The following PCGF5 variants were observed in gnomAD, a reference collection of about 807,000 sequenced individuals.
PCGF5 encodes the protein polycomb group RING finger protein 5.
In PCGF5, 9 loss-of-function variants were observed where a neutral mutation model predicts 44.3. The ratio of observed to expected loss-of-function variants is 0.20; its 90% CI spans 0.12 to 0.35. PCGF5 has a LOEUF of 0.35. PCGF5 is among the 10% of genes least tolerant of loss of function. The pLI is 1.00. For synonymous variants in PCGF5, 95 were observed against 102.5 expected, an observed-to-expected ratio of 0.93 and a Z score of 0.44; for missense variants, 146 against 305.3, an observed-to-expected ratio of 0.48 and a Z score of 3.89.
intron 8 of PCGF5, among the ~76,000 whole-genome samples, 157 bp from the exon 9 acceptor site, chr10:91,271,480 CT>C (rs1418752079): frequency 6.6e-6 from 1 of 152,130 alleles, no homozygotes; most frequent in African/African-American, 2.4e-5. Flanking sequence ...TTATTAAAAT[CT>C]TTTTTTCAAA....
intron 1 of PCGF5, among the ~76,000 whole-genome samples, chr10:91,214,553 G>T (rs1844508708): frequency 6.6e-6 from 1 of 152,204 alleles, no homozygotes; most frequent in Admixed American, 6.5e-5. Flanking sequence ...GAGACAATTT[G>T]TCCAGGCATA....
At chr10:91,260,180 C>T (rs2133409145) in intron 6 of PCGF5, among the ~76,000 whole-genome samples, 1 of 139,596 alleles carries the variant, frequency 7.2e-6, no homozygotes, top group East Asian at 1.9e-4. Flanking sequence ...CAAAAGAAGA[C>T]ATATATGCAG....
intron 1 of PCGF5, among the ~76,000 whole-genome samples, chr10:91,211,492 G>T (rs1844450709): frequency 6.6e-6 from 1 of 152,186 alleles, no homozygotes. Flanking sequence ...ACTTGTCCCT[G>T]CCTTCAGGTC....
At chr10:91,259,913 T>G (rs1845853954) in intron 6 of PCGF5, among the ~76,000 whole-genome samples, 1 of 151,864 alleles carries the variant, frequency 6.6e-6, no homozygotes, top group African/African-American at 2.4e-5. Context: ...GGGCAAGGAC[T>G]TCATGTCTAA....
At chr10:91,225,187 G>A (rs1168358464) in intron 2 of PCGF5, among the ~76,000 whole-genome samples, 1 of 147,188 alleles carries the variant, frequency 6.8e-6, no homozygotes, top group African/African-American at 2.5e-5. Flanking sequence ...TATAAGCAAA[G>A]GGATATATAT....
chr10:91,208,532 G>A (rs925389815), intron 1 of PCGF5, among the ~76,000 whole-genome samples: 16 of 152,176 alleles, frequency 1.1e-4, no homozygotes, highest in Admixed American at 1.0e-3. Context: ...TAACAAAGCT[G>A]TAGGCATCTA....
At chr10:91,224,631 G>A (rs1038958175) in intron 2 of PCGF5, among the ~76,000 whole-genome samples, 1 of 152,180 alleles carries the variant, frequency 6.6e-6, no homozygotes, top group African/African-American at 2.4e-5. Context: ...TGAAGGGACT[G>A]AAGGACTCTG....
At chr10:91,157,971 G>A in the PCGF5 span, among the ~76,000 whole-genome samples, 2 of 152,222 alleles carry the variant, frequency 1.3e-5, no homozygotes, top group East Asian at 3.8e-4. Flanking sequence ...AGTGATCAAG[G>A]TATTGGATCA....
chr10:91,262,659 A>G (rs561600591), intron 7 of PCGF5, among the ~76,000 whole-genome samples: 10 of 152,286 alleles, frequency 6.6e-5, no homozygotes, highest in Admixed American at 3.9e-4. Context: ...TGACTAGTCT[A>G]TGGGTTGAAA....
chr10:91,250,894 A>G (rs1396791890), intron 5 of PCGF5, among the ~76,000 whole-genome samples: 2 of 130,858 alleles, frequency 1.5e-5, no homozygotes, highest in Non-Finnish European at 3.1e-5. Context: ...TTTAATTTGA[A>G]TATATACTTA....
intron 2 of PCGF5, among the ~76,000 whole-genome samples, chr10:91,229,890 A>G (rs928034460): frequency 5.3e-5 from 8 of 152,204 alleles, no homozygotes; most frequent in Non-Finnish European, 1.2e-4. Context: ...AAATGATGTC[A>G]TTGGTATACT....
intron 1 of PCGF5, among the ~76,000 whole-genome samples, chr10:91,213,521 A>G (rs893715268): frequency 5.3e-5 from 8 of 151,958 alleles, no homozygotes; most frequent in Non-Finnish European, 8.8e-5. Context: ...CTGGAGTGCA[A>G]TGGCGTGATC....
intron 8 of PCGF5, among the ~76,000 whole-genome samples, chr10:91,270,879 T>C (rs1213499241): frequency 2.0e-5 from 3 of 152,012 alleles, no homozygotes; most frequent in Non-Finnish European, 4.4e-5. Flanking sequence ...AAAATTACAT[T>C]TAATAAGAGT....
chr10:91,257,645 G>A (rs1482756903), intron 6 of PCGF5, among the ~76,000 whole-genome samples: 3 of 152,180 alleles, frequency 2.0e-5, no homozygotes, highest in East Asian at 1.9e-4. Flanking sequence ...TGGGCAGGAC[G>A]GAGTAGGATG....
intron 3 of PCGF5, among the ~76,000 whole-genome samples, chr10:91,242,998 G>A (rs1293758406): frequency 1.3e-5 from 2 of 152,082 alleles, no homozygotes; most frequent in African/African-American, 4.8e-5. Context: ...CATAAACTCA[G>A]AGATAATAAA....
In PCGF5 at chr10:91,269,745, T is replaced by G. The variant is rs538049187; in HGVS notation, c.664-1893T>G. Among the ~76,000 whole-genome samples, 25 of 152,298 alleles carry G rather than the reference T, an allele frequency of 1.6e-4. No homozygotes were observed. The South Asian group carries it at 5.2e-3, about 32-fold the overall frequency. ...ATAATGAATGAGAGTGCCCATTTTC[T>G]GACATCCTCCCCAACACTGCATATC... is the stretch of plus-strand genomic sequence containing the variant. On this transcript the variant is annotated intron_variant, in intron 8 of 9. Coordinates refer to ENST00000336126, the MANE Select transcript of PCGF5 (RefSeq NM_032373.5).
At chr10:91,160,876 T>C (rs1843371376), upstream of PCGF5, among the ~76,000 whole-genome samples, 1 of 152,180 alleles carries the variant, frequency 6.6e-6, no homozygotes, top group Non-Finnish European at 1.5e-5. Context: ...GGCAACCAGG[T>C]GCAGCACCCA....
intron 1 of PCGF5, among the ~76,000 whole-genome samples, chr10:91,190,074 T>G (rs1484817217): frequency 1.3e-5 from 2 of 152,238 alleles, no homozygotes; most frequent in Non-Finnish European, 2.9e-5. Context: ...TATTTCTCAC[T>G]GTTTTTAAGG....
At chr10:91,227,470 C>T in intron 2 of PCGF5, 3 of 1,283,968 alleles carry the variant, frequency 2.3e-6, no homozygotes, top group East Asian at 5.6e-5. Context: ...GACTCTTTAC[C>T]CTCACTAACA....
Sources: allele counts gnomAD v4.1 joint callset (sites outside exome capture counted in the v4.1 genomes callset), GRCh38; gene constraint gnomAD v4.1.1; transcripts MANE v1.5; gene names NCBI Gene and HGNC (gene_info 2026-07-23, HGNC 2026-07-21).